UBXN7: variants seen among roughly 807,000 people sequenced by gnomAD.
UBXN7 encodes the protein UBX domain protein 7, also known as UBX domain-containing protein 7.
A neutral mutation model predicts 58.0 loss-of-function variants in UBXN7; 9 were observed. The ratio of observed to expected loss-of-function variants is 0.16; its 90% CI spans 0.09 to 0.27. UBXN7 has a LOEUF of 0.27. UBXN7 is among the 10% of genes least tolerant of loss of function. UBXN7 has a pLI of 1.00. For missense variants in UBXN7, 328 were observed against 599.6 expected (o/e 0.55, Z 4.73); for synonymous variants, 208 against 205.0 (o/e 1.01, Z -0.12).
At chr3:196,385,579 C>A (rs1469896349) in intron 5 of UBXN7, among the ~76,000 whole-genome samples, 5 of 151,890 alleles carry the variant, frequency 3.3e-5, no homozygotes, top group Non-Finnish European at 1.5e-5. Flanking sequence ...CCGGCAGTGA[C>A]CCCGTCTGGG....
rs904161655 is a variant in UBXN7 at position 196,353,473 on chromosome 3, T to C, written c.*3212A>G. ...TCCTCTCACTTTTTTCCCACTAGTTTTCTTCTTCTTCTTCTTTTTTTTTTT... is the reference window on the plus strand; with the variant it reads ...TCCTCTCACTTTTTTCCCACTAGTTCTCTTCTTCTTCTTCTTTTTTTTTTT... On this transcript the variant is annotated 3_prime_UTR_variant, in exon 11 of 11. Coordinates refer to ENST00000296328, the MANE Select transcript of UBXN7 (RefSeq NM_015562.2). 6.6e-6 allele frequency: 1 copy of C among 150,936 alleles called. No individual in the cohort carries two copies. The highest frequency in any genetic ancestry group is 2.4e-5 in the African/African-American group (1 of 40,982). 9.3% of individuals were successfully genotyped at this position (150,936 alleles called of 1,614,324 possible).
chr3:196,377,787 C>G lies in UBXN7; in HGVS notation c.469-5745G>C, dbSNP rs529457004. Among the ~76,000 whole-genome samples the G allele has an allele frequency of 3.3e-5, 5 of 152,230 alleles. No individual in the cohort carries two copies. The South Asian group carries it at 1.0e-3, about 32-fold the overall frequency. On this transcript the variant is annotated intron_variant, in intron 5 of 10. Coordinates refer to ENST00000296328, the MANE Select transcript of UBXN7 (RefSeq NM_015562.2). ...GCTCAAGCGATCCTCCTACCCCAGC[C>G]TCCTGAGTAGCTGCTGGGGACCACA... is the stretch of plus-strand genomic sequence containing the variant.
chr3:196,396,369 T>A lies in UBXN7; in HGVS notation c.290-2750A>T, dbSNP rs539733667. On this transcript the variant is annotated intron_variant, in intron 3 of 10. Coordinates refer to ENST00000296328, the MANE Select transcript of UBXN7 (RefSeq NM_015562.2). ...TGAGCCAAGGAGTTCGAGTACAGTCTGTGCAACATACTGACACCCTGTCTC... is the reference window on the plus strand; with the variant it reads ...TGAGCCAAGGAGTTCGAGTACAGTCAGTGCAACATACTGACACCCTGTCTC... Among the ~76,000 whole-genome samples, 8 of 150,346 alleles carry A rather than the reference T, an allele frequency of 5.3e-5. No individual in the cohort carries two copies. In the East Asian group the frequency reaches 1.6e-3, roughly 30 times the overall value.
At chr3:196,404,332 G>C (rs186996050) in intron 2 of UBXN7, among the ~76,000 whole-genome samples, 2 of 144,586 alleles carry the variant, frequency 1.4e-5, no homozygotes, top group Non-Finnish European at 3.0e-5. Flanking sequence ...GTATGATCTC[G>C]GCTCACTGCA....
chr3:196,402,818 CA>C (rs1730033963), intron 3 of UBXN7, 133 bp downstream of exon 3: 1 of 992,066 alleles, frequency 1.0e-6, no homozygotes, highest in Admixed American at 2.8e-5. Context: ...ACTTTCTTGA[CA>C]GGACTATAGA....
chr3:196,403,156 A>AT, intron 2 of UBXN7, 137 bp from the exon 3 acceptor site: 4 of 893,448 alleles, frequency 4.5e-6, no homozygotes, highest in Non-Finnish European at 6.5e-6. Context: ...TTGTGTTGCT[A>AT]TTTTTTTGGG....
At chr3:196,371,501 A>T (rs911824710) in intron 6 of UBXN7, among the ~76,000 whole-genome samples, 2 of 152,082 alleles carry the variant, frequency 1.3e-5, no homozygotes, top group Non-Finnish European at 2.9e-5. Flanking sequence ...GTTTTGTTTG[A>T]GATGGAGTCT....
chr3:196,408,628 G>A (rs1340699304), intron 1 of UBXN7, among the ~76,000 whole-genome samples: 1 of 151,984 alleles, frequency 6.6e-6, no homozygotes, highest in Non-Finnish European at 1.5e-5. Flanking sequence ...ATGCTCTTAA[G>A]TTTTTGTCTG....
chr3:196,411,909 A>G (rs904905580), intron 1 of UBXN7, among the ~76,000 whole-genome samples: 4 of 152,208 alleles, frequency 2.6e-5, no homozygotes, highest in Non-Finnish European at 5.9e-5. Flanking sequence ...ACAACCAAAT[A>G]AACTCATTTC....
intron 1 of UBXN7, among the ~76,000 whole-genome samples, chr3:196,413,443 T>TC (rs1357161719): frequency 5.9e-5 from 9 of 152,208 alleles, no homozygotes; most frequent in African/African-American, 2.2e-4. Flanking sequence ...AAATCGCCTT[T>TC]CATTTGGGGT....
At chr3:196,375,034 G>GGAAGGAAGGAAGGAAGGAAAGA (rs1349769767) in intron 5 of UBXN7, among the ~76,000 whole-genome samples, 1 of 145,526 alleles carries the variant, frequency 6.9e-6, no homozygotes, top group African/African-American at 2.5e-5. Flanking sequence ...AAGGAAGGAA[G>GGAAGGAAGGAAGGAAGGAAAGA]GAAGGAAGGG....
intron 2 of UBXN7, among the ~76,000 whole-genome samples, chr3:196,406,503 G>A (rs560240676): frequency 5.1e-4 from 78 of 151,960 alleles, no homozygotes; most frequent in African/African-American, 1.8e-3. Flanking sequence ...GTAGTGGCAC[G>A]ATCTCTGGTC....
rs527541767 is a variant in UBXN7, at chr3:196,392,120, G to A, written c.356-195C>T. On this transcript the variant is annotated intron_variant, in intron 4 of 10. Transcript: ENST00000296328. The stretch of plus-strand genomic sequence containing the variant: ...ATAAGAGGAATCTTAAGACTTGGTG[G>A]TATTCCCTATCCCAAGGATACAAAG... Among the ~76,000 whole-genome samples the A allele has an allele frequency of 6.0e-4, 91 of 152,144 alleles. 2 individuals carry two copies. In the South Asian group the frequency reaches 0.018, roughly 31 times the overall value.
At chr3:196,407,662 T>C (rs939472624) in intron 1 of UBXN7, among the ~76,000 whole-genome samples, 1 of 152,154 alleles carries the variant, frequency 6.6e-6, no homozygotes, top group African/African-American at 2.4e-5. Flanking sequence ...GGCCATTTCT[T>C]TGGCCATTTA....
intron 3 of UBXN7, among the ~76,000 whole-genome samples, chr3:196,399,518 C>T (rs989046367): frequency 2.0e-5 from 3 of 152,056 alleles, no homozygotes; most frequent in Non-Finnish European, 4.4e-5. Context: ...TTCACTGCAG[C>T]CTAGAACTCC....
intron 1 of UBXN7, among the ~76,000 whole-genome samples, chr3:196,425,611 ATTTT>A (rs1177023297): frequency 6.6e-6 from 1 of 151,834 alleles, no homozygotes; most frequent in Non-Finnish European, 1.5e-5. Context: ...TAAAGACAAG[ATTTT>A]TTTTAACATG....
chr3:196,387,634 G>A (rs576989389), intron 5 of UBXN7, among the ~76,000 whole-genome samples: 1 of 152,274 alleles, frequency 6.6e-6, no homozygotes, highest in African/African-American at 2.4e-5. Context: ...CAAAGGATAT[G>A]AACAGACACT....
chr3:196,432,177 G>T (rs1731088651), intron 1 of UBXN7, 150 bp downstream of exon 1: 1 of 1,107,418 alleles, frequency 9.0e-7, no homozygotes, highest in East Asian at 2.6e-5. Flanking sequence ...CGGAGACCCC[G>T]ACGCCGTCGT....
chr3:196,409,905 G>A (rs533471795), intron 1 of UBXN7, among the ~76,000 whole-genome samples: 2 of 151,636 alleles, frequency 1.3e-5, no homozygotes, highest in South Asian at 4.2e-4. Flanking sequence ...TTCATTTTTA[G>A]CCTGGTGCTA....
Sources: gnomAD v4.1 joint callset for allele counts (sites outside exome capture counted in the v4.1 genomes callset) on GRCh38, gnomAD v4.1.1 for gene constraint, MANE v1.5 for transcripts, NCBI Gene and HGNC (gene_info 2026-07-23, HGNC 2026-07-21) for gene names.